The following CACNA1C variants were observed in gnomAD, a reference collection of about 807,000 sequenced individuals.
The protein encoded by CACNA1C is voltage-dependent L-type calcium channel subunit alpha-1C.
In CACNA1C, 30 loss-of-function variants were observed where a neutral mutation model predicts 229.0. The observed-to-expected ratio is 0.13, with a 90% CI of 0.10 to 0.18. The LOEUF (loss-of-function observed/expected upper bound fraction) is 0.18. CACNA1C is among the 10% of genes least tolerant of loss of function. The probability of loss-of-function intolerance (pLI) is 1.00; values close to 1 mark genes in which losing one functional copy is unlikely to be tolerated. For missense variants in CACNA1C, 1,658 were observed against 2,845.0 expected (o/e 0.58, Z 9.49); for synonymous variants, 1,114 against 1,132.5 (o/e 0.98, Z 0.33).
intron 34 of CACNA1C, among the ~76,000 whole-genome samples, chr12:2,658,023 G>C (rs1180519898): frequency 6.6e-6 from 1 of 151,738 alleles, no homozygotes; most frequent in African/African-American, 2.4e-5. Context: ...CACAGTGGAA[G>C]ATTTAATACA....
At chr12:2,551,211 T>G (rs763005461) in intron 10 of CACNA1C, among the ~76,000 whole-genome samples, 2 of 151,960 alleles carry the variant, frequency 1.3e-5, no homozygotes, top group Admixed American at 1.3e-4. Context: ...GCCCTGCAAC[T>G]CTGGCTGTTG....
intron 3 of CACNA1C, among the ~76,000 whole-genome samples, chr12:2,308,947 A>G (rs1287745134): frequency 6.6e-6 from 1 of 152,218 alleles, no homozygotes; most frequent in Non-Finnish European, 1.5e-5. Context: ...CCTCAAAAAA[A>G]TGAAAATAGA....
chr12:2,166,895 C>A (rs775627211), intron 3 of CACNA1C, among the ~76,000 whole-genome samples: 43 of 152,210 alleles, frequency 2.8e-4, no homozygotes, highest in Non-Finnish European at 5.1e-4. Context: ...GAGCACATCT[C>A]TGCAGTGCCT....
Position 2,678,003 on chromosome 12 carries a change from T to A in CACNA1C, c.5091+136T>A. 1 of 1,011,324 alleles carries A rather than the reference T, an allele frequency of 9.9e-7. No individual in the cohort carries two copies. Among genetic ancestry groups the A allele is most frequent in the Non-Finnish European group, 1.5e-6 (1 of 681,138 alleles). The allele number at this position is 1,011,324 out of a possible 1,614,324, so 62.6% of individuals were successfully genotyped here. The stretch of plus-strand genomic sequence containing the variant: ...AGGGCTACTTCCAGGCTCTTCCTGA[T>A]GAGCTGTCTCCTCACCCCTTTGCCT... On this transcript the variant is annotated intron_variant, in intron 41 of 46. Transcript: ENST00000399655. This position sits in a 1 kb window ranked among gnomAD's most constrained non-coding sequence, Gnocchi z 4.1.
chr12:2,080,968 A>G (rs1259934636), intron 1 of CACNA1C, among the ~76,000 whole-genome samples: 2 of 152,258 alleles, frequency 1.3e-5, no homozygotes, highest in African/African-American at 2.4e-5. Context: ...ACTTTAAAGG[A>G]TAATGCCAAG....
chr12:2,361,102 G>A (rs1349253731), intron 3 of CACNA1C, among the ~76,000 whole-genome samples: 2 of 151,838 alleles, frequency 1.3e-5, no homozygotes, highest in African/African-American at 2.4e-5. Flanking sequence ...AGGTTGGGGG[G>A]CTGGGATCAT....
intron 3 of CACNA1C, among the ~76,000 whole-genome samples, chr12:2,197,017 C>T (rs1030136823): frequency 6.6e-6 from 1 of 152,186 alleles, no homozygotes; most frequent in Non-Finnish European, 1.5e-5. Flanking sequence ...AAAAGGTGGG[C>T]TGGAGCTGCC....
At chr12:2,016,487 T>C (rs2045395520) in intron 1 of CACNA1C, among the ~76,000 whole-genome samples, 1 of 152,166 alleles carries the variant, frequency 6.6e-6, no homozygotes, top group Admixed American at 6.5e-5. Flanking sequence ...TGGAGTGCAA[T>C]GGCACGATTT....
intron 9 of CACNA1C, among the ~76,000 whole-genome samples, chr12:2,518,571 G>A (rs1398364002): frequency 1.3e-5 from 2 of 150,322 alleles, no homozygotes; most frequent in Admixed American, 6.6e-5. Context: ...TCGCGCCACT[G>A]CACTCCAGCC....
chr12:2,279,171 T>C (rs1007516069), intron 3 of CACNA1C, among the ~76,000 whole-genome samples: 10 of 152,342 alleles, frequency 6.6e-5, no homozygotes, highest in African/African-American at 2.4e-4. Flanking sequence ...TTTGCAAATA[T>C]TTTATCTCAG....
chr12:2,154,839 A>G (rs758355624), intron 3 of CACNA1C, among the ~76,000 whole-genome samples: 2 of 152,146 alleles, frequency 1.3e-5, no homozygotes, highest in African/African-American at 2.4e-5. Flanking sequence ...AATGATACAG[A>G]AGCTCCCCGC....
chr12:2,067,624 G>T lies in CACNA1C; in HGVS notation c.49+14013G>T, dbSNP rs1470097777. ...GGTGTGCAGCCCTGAGGTCACGTTT[G>T]TGACGTGGATGGAAGGAAGCAGGGG... On this transcript the variant is annotated intron_variant, in intron 1 of 46. Coordinates refer to ENST00000399655, the MANE Select transcript of CACNA1C (RefSeq NM_000719.7). This position sits in a 1 kb window ranked among gnomAD's most constrained non-coding sequence, Gnocchi z 5.3. Among the ~76,000 whole-genome samples, 2 of 152,194 alleles carry T rather than the reference G, an allele frequency of 1.3e-5. No homozygotes were observed. The highest frequency in any genetic ancestry group is 4.1e-4 in the South Asian group (2 of 4,824).
chr12:2,153,446 G>A (rs1322419125), intron 3 of CACNA1C, among the ~76,000 whole-genome samples: 1 of 152,060 alleles, frequency 6.6e-6, no homozygotes, highest in Non-Finnish European at 1.5e-5. Flanking sequence ...AAACTGAAAC[G>A]CTCTACCTAT....
At chr12:2,617,707 G>C (rs2081315670) in intron 29 of CACNA1C, among the ~76,000 whole-genome samples, 1 of 152,234 alleles carries the variant, frequency 6.6e-6, no homozygotes, top group Admixed American at 6.5e-5. Flanking sequence ...TGAGGATGTG[G>C]CTCAAATGGA....
chr12:2,047,611 A>C (rs2051304480), intron 1 of CACNA1C, among the ~76,000 whole-genome samples: 1 of 152,246 alleles, frequency 6.6e-6, no homozygotes, highest in Non-Finnish European at 1.5e-5. Context: ...ATATATATTG[A>C]GGGCAACTAT....
chr12:2,042,609 C>G (rs2050308607), intron 1 of CACNA1C, among the ~76,000 whole-genome samples: 1 of 152,150 alleles, frequency 6.6e-6, no homozygotes, highest in South Asian at 2.1e-4. Flanking sequence ...GGCATTCACA[C>G]CACAGGGATA....
intron 3 of CACNA1C, among the ~76,000 whole-genome samples, chr12:2,294,735 T>C (rs999496371): frequency 1.3e-5 from 2 of 152,128 alleles, no homozygotes; most frequent in Non-Finnish European, 2.9e-5. Context: ...GCCTCAATAT[T>C]GAGCATCTCT....
chr12:2,663,157 A>G (rs74057319), intron 34 of CACNA1C, among the ~76,000 whole-genome samples: 6,538 of 152,302 alleles, frequency 0.043, 449 homozygotes, highest in African/African-American at 0.14. Context: ...AAAAACTTAG[A>G]TTCACCAAAA....
intron 3 of CACNA1C, among the ~76,000 whole-genome samples, chr12:2,168,047 G>C (rs1056166834): frequency 1.3e-5 from 2 of 152,182 alleles, no homozygotes; most frequent in African/African-American, 4.8e-5. Flanking sequence ...ACTGCAAGTA[G>C]GTCAGTTTGT....
Sources: allele counts gnomAD v4.1 joint callset (sites outside exome capture counted in the v4.1 genomes callset), GRCh38; gene constraint gnomAD v4.1.1; non-coding constraint Gnocchi (gnomAD v3.1); transcripts MANE v1.5; gene names NCBI Gene and HGNC (gene_info 2026-07-23, HGNC 2026-07-21).